PCDHA4: variants seen among roughly 807,000 people sequenced by gnomAD.
The protein encoded by PCDHA4 is protocadherin alpha-4.
A neutral mutation model predicts 61.4 loss-of-function variants in PCDHA4; 49 were observed. The ratio of observed to expected loss-of-function variants is 0.80; its 90% CI spans 0.63 to 1.01. The LOEUF (loss-of-function observed/expected upper bound fraction) is 1.01. Ranked by LOEUF, PCDHA4 falls within the 50% of genes least tolerant of loss-of-function variation. The pLI is 0.00. For synonymous variants in PCDHA4, 590 were observed against 550.3 expected, an observed-to-expected ratio of 1.07 and a Z score of -1.01; for missense variants, 1,254 against 1,235.8, an observed-to-expected ratio of 1.01 and a Z score of -0.22.
chr5:140,857,815 G>A (rs782354426), intron 1 of PCDHA4: 2 of 1,597,792 alleles, frequency 1.3e-6, no homozygotes, highest in East Asian at 4.5e-5. Context: ...CGGGTCACGT[G>A]GTGGCTAAGG....
At chr5:140,984,975 T>A (rs571343368) in intron 3 of PCDHA4, among the ~76,000 whole-genome samples, 1 of 152,128 alleles carries the variant, frequency 6.6e-6, no homozygotes, top group Admixed American at 6.5e-5. Flanking sequence ...TCTCGCTCTG[T>A]CCCCCAGGCT....
At chr5:140,952,345 A>G (rs1199209045) in intron 1 of PCDHA4, among the ~76,000 whole-genome samples, 2 of 151,900 alleles carry the variant, frequency 1.3e-5, no homozygotes, top group Non-Finnish European at 2.9e-5. Context: ...TCTCAAAAAA[A>G]AAAAAAAAAG....
chr5:140,891,096 T>A (rs926770209), intron 1 of PCDHA4, among the ~76,000 whole-genome samples: 1 of 152,210 alleles, frequency 6.6e-6, no homozygotes, highest in African/African-American at 2.4e-5. Context: ...ATTGTTGCTG[T>A]CAAGAATTTA....
intron 3 of PCDHA4, among the ~76,000 whole-genome samples, chr5:141,001,813 G>A (rs782384459): frequency 2.6e-5 from 4 of 152,172 alleles, no homozygotes; most frequent in Non-Finnish European, 4.4e-5. Flanking sequence ...TCTACAATCG[G>A]CCAAATTCTG....
At chr5:140,900,588 C>G (rs1025443524) in intron 1 of PCDHA4, among the ~76,000 whole-genome samples, 3 of 152,150 alleles carry the variant, frequency 2.0e-5, no homozygotes, top group African/African-American at 7.2e-5. Flanking sequence ...TTTTCTTTAC[C>G]CGTTCATCTG....
Position 140,835,448 on chromosome 5 carries a change from G to T in PCDHA4, c.2385+25876G>T, listed in dbSNP as rs2150235921. On this transcript the variant is annotated intron_variant, in intron 1 of 3. Transcript: ENST00000530339. The stretch of plus-strand genomic sequence containing the variant: ...CTCCACAGTTGACTCTCACTTCCCT[G>T]TCTCTCCCTATTCCAGAGGACGCCC... 11 of 1,613,768 alleles carry T rather than the reference G, an allele frequency of 6.8e-6. No homozygotes were observed. The South Asian group carries it at 1.2e-4, about 18-fold the overall frequency.
chr5:140,855,640 A>G (rs555429613), intron 1 of PCDHA4, among the ~76,000 whole-genome samples: 1 of 150,004 alleles, frequency 6.7e-6, no homozygotes, highest in East Asian at 1.9e-4. Context: ...GCTATTGATA[A>G]TCATGTGGTT....
At position 140,882,350 on chromosome 5, in the gene PCDHA4, A is replaced by G. The variant is rs782733540; in HGVS notation, c.2385+72778A>G. ...GATCCTCGCAGCCTGGGAGACGGGT[A>G]GTGGCCAGCTCCACTACTCCGTCCC... is the stretch of plus-strand genomic sequence containing the variant. On this transcript the variant is annotated intron_variant, in intron 1 of 3. Transcript: ENST00000530339. The G allele has an allele frequency of 1.9e-6, 3 of 1,614,176 alleles. No individual in the cohort carries two copies. In the Admixed American group the frequency reaches 5.0e-5, roughly 27 times the overall value.
intron 1 of PCDHA4, among the ~76,000 whole-genome samples, chr5:140,894,384 T>A (rs1554186071): frequency 6.6e-6 from 1 of 152,046 alleles, no homozygotes; most frequent in Admixed American, 6.5e-5. Flanking sequence ...ATTATATTTG[T>A]ATTAGATATT....
rs150698374 is a variant in PCDHA4 at position 140,841,827 on chromosome 5, C to A, written c.2385+32255C>A. The A allele has an allele frequency of 1.2e-3, 1,964 of 1,613,914 alleles. 22 individuals are homozygous for A. Among genetic ancestry groups the A allele is most frequent in the Non-Finnish European group, 7.1e-4 (841 of 1,179,854 alleles). ...GATGTTGGAGCTAACTCCGTGTTAA[C>A]CTACAGGCTTAGCTCTCATGATTAC... On this transcript the variant is annotated intron_variant, in intron 1 of 3. Transcript: ENST00000530339.
At chr5:140,843,518 C>T in intron 1 of PCDHA4, 2 of 1,595,646 alleles carry the variant, frequency 1.3e-6, no homozygotes, top group South Asian at 1.1e-5. Context: ...GGGCGGGTGC[C>T]GGGCGGGCAA....
rs1199685974 is a variant in PCDHA4 at position 140,838,075 on chromosome 5, ATAGTGTGTGTGTGTGTGTGTGTGTGT to A, written c.2385+28504_2385+28529del. 9.4e-5 allele frequency among the ~76,000 whole-genome samples: 12 copies of A among 128,240 alleles called. 1 individual carries two copies. The highest frequency in any genetic ancestry group is 6.9e-4 in the East Asian group (3 of 4,320). The allele number at this position is 128,240 out of a possible 152,430, so 84.1% of individuals were successfully genotyped here. ...GTTTTCCACTTTAAGTTATATATAT[ATAGTGTGTGTGTGTGTGTGTGTGTGT>A]GTGTGTGTGTGTGTGTGTGTGTGTG... On this transcript the variant is annotated intron_variant, in intron 1 of 3. Transcript: ENST00000530339.
chr5:140,835,607 G>C (rs2150239326), intron 1 of PCDHA4: 11 of 1,613,920 alleles, frequency 6.8e-6, no homozygotes, highest in South Asian at 2.2e-5. Context: ...ATTCATTGGT[G>C]CTGGACAGCG....
At chr5:140,993,407 C>T (rs2097554546) in intron 3 of PCDHA4, among the ~76,000 whole-genome samples, 1 of 151,550 alleles carries the variant, frequency 6.6e-6, no homozygotes, top group African/African-American at 2.4e-5. Context: ...TAACCACCTT[C>T]ATCAGCATTT....
chr5:140,834,427 T>C (rs2150217610), intron 1 of PCDHA4: 1 of 1,613,722 alleles, frequency 6.2e-7, no homozygotes, highest in Non-Finnish European at 8.5e-7. Context: ...CGACATCTAC[T>C]GCTGTTTATT....
intron 3 of PCDHA4, among the ~76,000 whole-genome samples, chr5:141,007,748 T>C (rs188910603): frequency 1.3e-3 from 195 of 152,298 alleles, no homozygotes; most frequent in African/African-American, 4.4e-3. Context: ...GAAGATAACT[T>C]TGGACTCTTA....
In PCDHA4 at chr5:140,876,868, G is replaced by C. The variant is rs563777938; in HGVS notation, c.2385+67296G>C. On this transcript the variant is annotated intron_variant, in intron 1 of 3. Coordinates refer to ENST00000530339, the MANE Select transcript of PCDHA4 (RefSeq NM_018907.4). ...GCCCGAGTACACAGTGTTCGTGAAG[G>C]AGAACAACCCGCCGGGCTGCCACAT... is the stretch of plus-strand genomic sequence containing the variant. 6 of 1,614,160 alleles carry C rather than the reference G, an allele frequency of 3.7e-6. No homozygotes were observed. In the East Asian group the frequency reaches 1.3e-4, roughly 36 times the overall value.
intron 1 of PCDHA4, among the ~76,000 whole-genome samples, chr5:140,895,900 G>A (rs540029399): frequency 1.3e-3 from 196 of 152,038 alleles, no homozygotes; most frequent in African/African-American, 4.6e-3. Context: ...CAACCTCCGC[G>A]TCCCGGGCTC....
chr5:140,968,465 G>A lies in PCDHA4; in HGVS notation c.2386-10484G>A, dbSNP rs782606184. On this transcript the variant is annotated intron_variant, in intron 1 of 3. Coordinates refer to ENST00000530339, the MANE Select transcript of PCDHA4 (RefSeq NM_018907.4). ...ACTGAGCAGCACTGTGACTGCCAACGTATATGTGGTGGACATGAATGACCA... is the reference window on the plus strand; with the variant it reads ...ACTGAGCAGCACTGTGACTGCCAACATATATGTGGTGGACATGAATGACCA... 78 of 1,614,004 alleles carry A rather than the reference G, an allele frequency of 4.8e-5. No individual in the cohort carries two copies. Among genetic ancestry groups the A allele is most frequent in the Non-Finnish European group, 6.1e-5 (72 of 1,180,028 alleles).
Sources: allele counts gnomAD v4.1 joint callset (sites outside exome capture counted in the v4.1 genomes callset), GRCh38; gene constraint gnomAD v4.1.1; transcripts MANE v1.5; gene names NCBI Gene and HGNC (gene_info 2026-07-23, HGNC 2026-07-21).